The following UBE3C variants were observed in gnomAD, a reference collection of about 807,000 sequenced individuals.
The protein encoded by UBE3C is ubiquitin-protein ligase E3C.
UBE3C carries 42 observed loss-of-function variants against 129.4 expected under a neutral mutation model. That is an observed-to-expected ratio of 0.32 (90% CI 0.25 to 0.42). The LOEUF (loss-of-function observed/expected upper bound fraction) is 0.42. Ranked by LOEUF, UBE3C falls within the 10% of genes least tolerant of loss-of-function variation. The pLI is 1.00. For missense variants in UBE3C, 1,049 were observed against 1,319.1 expected, an observed-to-expected ratio of 0.80 and a Z score of 3.17; for synonymous variants, 510 against 492.4, an observed-to-expected ratio of 1.04 and a Z score of -0.47.
chr7:157,216,481 ATCT>A (rs909308792), intron 13 of UBE3C, among the ~76,000 whole-genome samples: 5 of 151,698 alleles, frequency 3.3e-5, no homozygotes, highest in African/African-American at 1.2e-4. Context: ...CCCAGTAGTC[ATCT>A]TCTCTGCCCT....
intron 11 of UBE3C, among the ~76,000 whole-genome samples, chr7:157,206,009 A>G (rs1054141977): frequency 3.3e-5 from 5 of 152,166 alleles, no homozygotes; most frequent in African/African-American, 9.7e-5. Flanking sequence ...TCCTGGTTAC[A>G]TCTCATCTAA....
At chr7:157,228,811 G>A (rs1231101977) in intron 17 of UBE3C, among the ~76,000 whole-genome samples, 1 of 152,210 alleles carries the variant, frequency 6.6e-6, no homozygotes, top group African/African-American at 2.4e-5. Flanking sequence ...AGTCAGTCCA[G>A]TAAATTGTAT....
intron 14 of UBE3C, among the ~76,000 whole-genome samples, chr7:157,218,288 T>TA (rs1222954434): frequency 6.6e-6 from 1 of 151,472 alleles, no homozygotes; most frequent in Non-Finnish European, 1.5e-5. Context: ...TCTACTAAAA[T>TA]AAAAAAATTA....
intron 1 of UBE3C, among the ~76,000 whole-genome samples, chr7:157,145,776 TGGTTTAC>T (rs1807587910): frequency 6.6e-6 from 1 of 152,152 alleles, no homozygotes; most frequent in South Asian, 2.1e-4. Flanking sequence ...TTTTTTAGAG[TGGTTTAC>T]GGTTTACAGA....
chr7:157,139,596 C>G (rs1301548276), intron 1 of UBE3C, among the ~76,000 whole-genome samples: 1 of 152,222 alleles, frequency 6.6e-6, no homozygotes, highest in Non-Finnish European at 1.5e-5. Context: ...GCCTCCCTGG[C>G]TGGAACTCGA....
intron 18 of UBE3C, among the ~76,000 whole-genome samples, chr7:157,246,230 C>CT (rs3837146): frequency 0.21 from 31,532 of 151,984 alleles, 3,530 homozygotes; most frequent in East Asian, 0.36. Context: ...ATTTTATAGA[C>CT]TACACATACG....
At chr7:157,244,751 A>C (rs141649057) in intron 18 of UBE3C, among the ~76,000 whole-genome samples, 1 of 152,354 alleles carries the variant, frequency 6.6e-6, no homozygotes, top group East Asian at 1.9e-4. Context: ...TACTATAATT[A>C]ATCCTTTTTA....
intron 18 of UBE3C, among the ~76,000 whole-genome samples, chr7:157,246,813 C>G (rs1796488555): frequency 6.6e-6 from 1 of 152,160 alleles, no homozygotes; most frequent in Non-Finnish European, 1.5e-5. Context: ...TCTCCACACC[C>G]CCGGGGGTAA....
At position 157,139,878 on chromosome 7, in the gene UBE3C, C is replaced by T; in HGVS notation, c.66+540C>T. 3.9e-6 allele frequency: 2 copies of T among 509,234 alleles called. 1 individual carries two copies. Among genetic ancestry groups the T allele is most frequent in the South Asian group, 1.7e-4 (2 of 11,858 alleles). The allele number at this position is 509,234 out of a possible 1,614,324, so 31.5% of individuals were successfully genotyped here. A position where few individuals can be genotyped will look rare whatever the true frequency, so the allele number is the denominator to read the frequency against. On this transcript the variant is annotated intron_variant, in intron 1 of 22. Transcript: ENST00000348165. Reference sequence around the variant, plus strand: ...ACGCATTTGCTGATGTCGATAATCTCTAAAGTAGAGGCAGAACGTCTCATG... The same window carrying T: ...ACGCATTTGCTGATGTCGATAATCTTTAAAGTAGAGGCAGAACGTCTCATG...
chr7:157,168,312 G>GC (rs1808272551), intron 2 of UBE3C, among the ~76,000 whole-genome samples: 2 of 148,590 alleles, frequency 1.3e-5, no homozygotes, highest in Non-Finnish European at 3.0e-5. Context: ...GATCAAGTGG[G>GC]CGACAGAGCA....
intron 2 of UBE3C, among the ~76,000 whole-genome samples, chr7:157,166,941 G>GATT (rs1554422962): frequency 6.7e-6 from 1 of 149,770 alleles, no homozygotes; most frequent in African/African-American, 2.5e-5. Context: ...TGGTGGTGGT[G>GATT]GTTTTTGAGA....
At chr7:157,246,296 C>G (rs1161239162) in intron 18 of UBE3C, among the ~76,000 whole-genome samples, 1 of 152,208 alleles carries the variant, frequency 6.6e-6, no homozygotes, top group South Asian at 2.1e-4. Flanking sequence ...AAGCAAAGGA[C>G]TCACTCCCCA....
chr7:157,211,385 T>C (rs1051622057), intron 13 of UBE3C, among the ~76,000 whole-genome samples: 1 of 152,238 alleles, frequency 6.6e-6, no homozygotes, highest in Non-Finnish European at 1.5e-5. Flanking sequence ...TTTTCTGTTA[T>C]TGAAGATTTT....
rs371069002 is a variant in UBE3C at position 157,176,827 on chromosome 7, C to T, written c.458+1793C>T. Among the ~76,000 whole-genome samples the T allele has an allele frequency of 1.2e-3, 188 of 152,232 alleles. 7 individuals are homozygous for T. In the South Asian group the frequency reaches 0.033, roughly 27 times the overall value. On this transcript the variant is annotated intron_variant, in intron 5 of 22. Transcript: ENST00000348165. ...TCTGCCCCAGGCCTGGGGCTGTTTT[C>T]TCTAAGGAGCACTGATTCTTTTTGA...
At position 157,181,660 on chromosome 7, in the gene UBE3C, G is replaced by T. The variant is rs17646047; in HGVS notation, c.759G>T (p.Pro253=). 2.5e-6 allele frequency: 4 copies of T among 1,613,282 alleles called. No homozygotes were observed. In the African/African-American group the frequency reaches 4.0e-5, roughly 16 times the overall value. Residue 253 remains proline, a synonymous_variant, in exon 7 of 23, where the codon CCG becomes CCT. Transcript: ENST00000348165. ...KPLHFTYNSC[P]EGARQQVFTA... Reference sequence around the variant, plus strand: ...TGCACTTTACTTACAACTCCTGTCCGGAAGGTGCGAGGTGAGACTGGAATG... The same window carrying T: ...TGCACTTTACTTACAACTCCTGTCCTGAAGGTGCGAGGTGAGACTGGAATG...
In UBE3C at chr7:157,240,890, A is replaced by G. The variant is rs559566033; in HGVS notation, c.2482-7478A>G. Among the ~76,000 whole-genome samples, 22 of 152,322 alleles carry G rather than the reference A, an allele frequency of 1.4e-4. No individual in the cohort carries two copies. In the South Asian group the frequency reaches 4.1e-3, roughly 29 times the overall value. On this transcript the variant is annotated intron_variant, in intron 18 of 22. Coordinates refer to ENST00000348165, the MANE Select transcript of UBE3C (RefSeq NM_014671.3). ...AGCCAGGATGGTAGAATGACAGTCAACTGTGTGCTACAGATGTCACCAAAA... is the reference window on the plus strand; with the variant it reads ...AGCCAGGATGGTAGAATGACAGTCAGCTGTGTGCTACAGATGTCACCAAAA...
chr7:157,194,369 C>G (rs945969540), intron 10 of UBE3C, among the ~76,000 whole-genome samples: 1 of 152,152 alleles, frequency 6.6e-6, no homozygotes, highest in African/African-American at 2.4e-5. Context: ...AATTTCACCT[C>G]TTTGAAATAA....
At chr7:157,246,778 T>G (rs985832355) in intron 18 of UBE3C, among the ~76,000 whole-genome samples, 1 of 152,120 alleles carries the variant, frequency 6.6e-6, no homozygotes, top group Non-Finnish European at 1.5e-5. Context: ...GAGGGTTTCT[T>G]TCTCTAAAAC....
At chr7:157,180,132 T>A (rs895560534) in intron 6 of UBE3C, among the ~76,000 whole-genome samples, 2 of 152,230 alleles carry the variant, frequency 1.3e-5, no homozygotes, top group Non-Finnish European at 2.9e-5. Context: ...TCTAGCATCT[T>A]CTGTGGTACA....
Sources: allele counts gnomAD v4.1 joint callset (sites outside exome capture counted in the v4.1 genomes callset), GRCh38; gene constraint gnomAD v4.1.1; transcripts MANE v1.5; gene names NCBI Gene and HGNC (gene_info 2026-07-23, HGNC 2026-07-21).